The following SERINC5 variants were observed in gnomAD, a reference collection of about 807,000 sequenced individuals.
SERINC5 encodes the protein chromosome 5 open reading frame 12.
Under a neutral mutation model 63.1 loss-of-function variants are expected in SERINC5, and 41 were observed. The ratio of observed to expected loss-of-function variants is 0.65; its 90% CI spans 0.51 to 0.84. SERINC5 has a LOEUF of 0.84. Ranked by LOEUF, SERINC5 falls within the 40% of genes least tolerant of loss-of-function variation. The probability of loss-of-function intolerance (pLI) is 0.00; values close to 1 mark genes in which losing one functional copy is unlikely to be tolerated. For missense variants in SERINC5, 523 were observed against 573.0 expected (o/e 0.91, Z 0.89); for synonymous variants, 222 against 215.2 (o/e 1.03, Z -0.28).
At chr5:80,199,962 G>C (rs1466123373) in intron 2 of SERINC5, among the ~76,000 whole-genome samples, 1 of 152,218 alleles carries the variant, frequency 6.6e-6, no homozygotes, top group Non-Finnish European at 1.5e-5. Context: ...GGGAGATTAA[G>C]TGGACGCTCA....
At chr5:80,223,249 C>T (rs756439977) in intron 1 of SERINC5, among the ~76,000 whole-genome samples, 4 of 152,132 alleles carry the variant, frequency 2.6e-5, no homozygotes, top group Admixed American at 6.6e-5. Context: ...CAGGACCCCT[C>T]GCGTGAATAT....
At position 80,139,939 on chromosome 5, in the gene SERINC5, A is replaced by G. The variant is rs115013111; in HGVS notation, c.*3724T>C. 2.6e-4 allele frequency: 254 copies of G among 985,428 alleles called. No homozygotes were observed. The African/African-American group carries it at 2.7e-3, about 11-fold the overall frequency. 61.0% of individuals were successfully genotyped at this position (985,428 alleles called of 1,614,324 possible). The stretch of plus-strand genomic sequence containing the variant: ...TTGGAAAGGCAATAAAGGGAGTGTA[A>G]AAGCCTAGGTAGCTTAAATACAGGC... On this transcript the variant is annotated 3_prime_UTR_variant, in exon 12 of 12. Coordinates refer to ENST00000507668, the MANE Select transcript of SERINC5 (RefSeq NM_001174072.3).
At chr5:80,145,725 T>A (rs550512389) in intron 11 of SERINC5, among the ~76,000 whole-genome samples, 10 of 152,208 alleles carry the variant, frequency 6.6e-5, no homozygotes, top group Admixed American at 2.0e-4. Flanking sequence ...AACATACCCA[T>A]CCACTGTTAA....
intron 1 of SERINC5, among the ~76,000 whole-genome samples, chr5:80,252,058 CTTTTTTTTT>C (rs3038416): frequency 9.7e-6 from 1 of 103,512 alleles, no homozygotes; most frequent in Non-Finnish European, 1.9e-5. Flanking sequence ...TTTTCTTTTC[CTTTTTTTTT>C]TTTTTTTTTT....
Position 80,158,919 on chromosome 5 carries a change from G to C in SERINC5, c.903C>G (p.Asp301Glu), listed in dbSNP as rs375397949. 3 of 1,613,596 alleles carry C rather than the reference G, an allele frequency of 1.9e-6. No homozygotes were observed. The African/African-American group carries it at 4.0e-5, about 22-fold the overall frequency. Residue 301 changes from aspartate to glutamate, a missense_variant, in exon 8 of 12, where the codon GAC (aspartate) becomes GAG (glutamate). Physicochemically the swap from Asp to Glu is conservative, Grantham distance 45. Transcript: ENST00000507668. The part of the protein sequence containing the change: ...HGKNVTICVP[D>E]FGQDLYRDEN... ...CATCTCTGTACAGGTCTTGACCAAA[G>C]TCAGGCACACAGATTGTAACATTTT...
rs771745021 is a variant in SERINC5 at position 80,146,142 on chromosome 5, C to T, written c.1186G>A (p.Val396Met). 6.2e-6 allele frequency: 10 copies of T among 1,613,876 alleles called. No homozygotes were observed. The highest frequency in any genetic ancestry group is 2.2e-5 in the East Asian group (1 of 44,892). The change falls in exon 11 of 12, where the codon GTG becomes ATG. Residue 396 changes from valine (V) to methionine (M), a missense_variant. By Grantham distance (21) the Val-to-Met change is conservative (BLOSUM62 1). Coordinates refer to ENST00000507668, the MANE Select transcript of SERINC5 (RefSeq NM_001174072.3). The stretch of plus-strand genomic sequence containing the variant: ...ACATACAGGGAAGCTAGGAAGAACA[C>T]GAAGTGGAAGTAGGAGTAGATGTAG... ...TVYIYSYFHF[V>M]FFLASLYVMM...
chr5:80,185,255 C>CT (rs1748724085), intron 2 of SERINC5, among the ~76,000 whole-genome samples: 1 of 152,134 alleles, frequency 6.6e-6, no homozygotes, highest in Non-Finnish European at 1.5e-5. Flanking sequence ...AAGCCACAAA[C>CT]TATCAAGTAA....
chr5:80,187,751 AAGACTG>A (rs1406085992), intron 2 of SERINC5, among the ~76,000 whole-genome samples: 2 of 152,234 alleles, frequency 1.3e-5, no homozygotes, highest in Non-Finnish European at 2.9e-5. Context: ...AAAGCATGCA[AAGACTG>A]AGAATGCGAG....
intron 2 of SERINC5, among the ~76,000 whole-genome samples, chr5:80,195,062 G>A (rs369854459): frequency 6.6e-6 from 1 of 152,066 alleles, no homozygotes; most frequent in African/African-American, 2.4e-5. Flanking sequence ...GGAGGCAGGT[G>A]GATCACCTGA....
At chr5:80,198,329 C>A (rs79700015) in intron 2 of SERINC5, among the ~76,000 whole-genome samples, 1 of 152,138 alleles carries the variant, frequency 6.6e-6, no homozygotes, top group South Asian at 2.1e-4. Flanking sequence ...AGCCAAAGTT[C>A]TCCTGGGAAA....
At chr5:80,194,145 A>G (rs184037567) in intron 2 of SERINC5, among the ~76,000 whole-genome samples, 30 of 152,280 alleles carry the variant, frequency 2.0e-4, no homozygotes, top group Admixed American at 1.6e-3. Context: ...TTTGAAAAGC[A>G]CTCCATCTCA....
intron 1 of SERINC5, among the ~76,000 whole-genome samples, chr5:80,251,460 T>A (rs1752418861): frequency 6.6e-6 from 1 of 152,158 alleles, no homozygotes; most frequent in Non-Finnish European, 1.5e-5. Flanking sequence ...GCCGGCGCAG[T>A]AGCTCATGCC....
intron 11 of SERINC5, among the ~76,000 whole-genome samples, chr5:80,122,190 A>T (rs1744568594): frequency 1.2e-5 from 1 of 81,512 alleles, no homozygotes; most frequent in Non-Finnish European, 2.7e-5. Context: ...GAGGGACAGA[A>T]CTAATAGTAT....
chr5:80,185,592 C>T (rs1205436282), intron 2 of SERINC5, among the ~76,000 whole-genome samples: 2 of 151,956 alleles, frequency 1.3e-5, no homozygotes, highest in Admixed American at 1.3e-4. Flanking sequence ...GGGCTGAGTC[C>T]GAAAAGAGAG....
chr5:80,244,575 A>T (rs961228136), intron 1 of SERINC5, among the ~76,000 whole-genome samples: 3 of 151,638 alleles, frequency 2.0e-5, no homozygotes, highest in African/African-American at 7.3e-5. Context: ...TCACGTCTGT[A>T]ATCCCAGCAC....
chr5:80,200,824 T>C (rs542975240), intron 2 of SERINC5, among the ~76,000 whole-genome samples: 2 of 137,184 alleles, frequency 1.5e-5, no homozygotes, highest in South Asian at 2.2e-4. Context: ...CCAGGCATGG[T>C]GGCTCACGCA....
intron 2 of SERINC5, among the ~76,000 whole-genome samples, chr5:80,194,052 A>G (rs1429494561): frequency 3.9e-5 from 6 of 152,132 alleles, no homozygotes; most frequent in Non-Finnish European, 8.8e-5. Flanking sequence ...ACCCACTTTT[A>G]ATCTCAAAAA....
At chr5:80,174,402 T>TAATAAA (rs1217180036) in intron 5 of SERINC5, among the ~76,000 whole-genome samples, 1 of 142,992 alleles carries the variant, frequency 7.0e-6, no homozygotes, top group Non-Finnish European at 1.5e-5. Context: ...ATAATAATAA[T>TAATAAA]AAAAGAAAAA....
chr5:80,154,333 C>T lies in SERINC5; in HGVS notation c.987-3385G>A, dbSNP rs373258544. Among the ~76,000 whole-genome samples, 35 of 152,304 alleles carry T rather than the reference C, an allele frequency of 2.3e-4. No individual in the cohort carries two copies. The East Asian group carries it at 6.4e-3, about 28-fold the overall frequency. Reference sequence around the variant, plus strand: ...TAGCTGGGGTTACAGGCATGCACCACCATGCCCGGCTAATTTTGTATTTTT... The same window carrying T: ...TAGCTGGGGTTACAGGCATGCACCATCATGCCCGGCTAATTTTGTATTTTT... On this transcript the variant is annotated intron_variant, in intron 8 of 11. Transcript: ENST00000507668.
Sources: allele counts gnomAD v4.1 joint callset (sites outside exome capture counted in the v4.1 genomes callset), GRCh38; gene constraint gnomAD v4.1.1; transcripts MANE v1.5; gene names NCBI Gene and HGNC (gene_info 2026-07-23, HGNC 2026-07-21).